Variants in INPP5F observed in about 807,000 individuals in gnomAD.
INPP5F encodes the protein phosphatidylinositide 4-phosphatase SAC2.
In INPP5F, 97 loss-of-function variants were observed where a neutral mutation model predicts 137.2. That is an observed-to-expected ratio of 0.71 (90% CI 0.60 to 0.84). The LOEUF (loss-of-function observed/expected upper bound fraction) is 0.84. INPP5F is among the 40% of genes least tolerant of loss of function. The pLI is 0.00. For missense variants in INPP5F, 1,271 were observed against 1,371.9 expected (o/e 0.93, Z 1.16); for synonymous variants, 504 against 476.9 (o/e 1.06, Z -0.74).
Position 119,774,351 on chromosome 10 carries a change from C to T in INPP5F, c.179-7284C>T, listed in dbSNP as rs186372013. 7.1e-4 allele frequency among the ~76,000 whole-genome samples: 107 copies of T among 151,424 alleles called. 1 individual carries two copies. The highest frequency in any genetic ancestry group is 2.4e-3 in the African/African-American group (99 of 41,276). On this transcript the variant is annotated intron_variant, in intron 2 of 19. Coordinates refer to ENST00000650623, the MANE Select transcript of INPP5F (RefSeq NM_014937.4). ...AATTTCTATATTAATTTGAGAGATA[C>T]CAACAAGTTTGAAATGTTGAACCTG...
chr10:119,797,481 G>A lies in INPP5F; in HGVS notation c.889G>A (p.Gly297Arg). 6.2e-7 allele frequency: 1 copy of A among 1,610,268 alleles called. No homozygotes were observed. Among genetic ancestry groups the A allele is most frequent in the African/African-American group, 1.3e-5 (1 of 74,976 alleles). ...TTCAGGAATGCGCTATAAACGAAGA[G>A]GAGTGGATAAAAATGGAAATGTTGC... The part of the protein sequence containing the change: ...HRAGMRYKRR[G>R]VDKNGNVANY... Residue 297 changes from glycine (G) to arginine (R), a missense_variant, in exon 8 of 20, where the codon GGA (glycine) becomes AGA (arginine). By Grantham distance (125) the Gly-to-Arg change is moderately radical (BLOSUM62 -2). Around this residue, in one of 6 missense-constraint regions of INPP5F, gnomAD observed 593 missense variants for 712.4 expected, o/e 0.83. Coordinates refer to ENST00000650623, the MANE Select transcript of INPP5F (RefSeq NM_014937.4).
chr10:119,827,666 T>A lies in INPP5F; in HGVS notation c.3285T>A (p.Phe1095Leu). 6.2e-7 allele frequency: 1 copy of A among 1,614,148 alleles called. No homozygotes were observed. Among genetic ancestry groups the A allele is most frequent in the South Asian group, 1.1e-5 (1 of 91,088 alleles). The change falls in exon 20 of 20, where the codon TTT becomes TTA. Residue 1095 changes from phenylalanine to leucine, a missense_variant. Phe to Leu is a conservative substitution (Grantham distance 22, BLOSUM62 0). Transcript: ENST00000650623. ...CTGGATTAACCCATGGGATAAACTT[T>A]GCAGTGTCAAAAGTTCAGAAGAGTC... ...TQAGLTHGIN[F>L]AVSKVQKSPP...
intron 15 of INPP5F, chr10:119,816,764 G>C (rs1209367928): frequency 6.6e-6 from 1 of 152,244 alleles, no homozygotes; most frequent in Non-Finnish European, 1.5e-5. Context: ...TCAGCTCCCA[G>C]ACTTGGGGAC....
chr10:119,809,973 T>C (rs1335584989), intron 13 of INPP5F, 127 bp from the exon 14 acceptor site: 1 of 631,620 alleles, frequency 1.6e-6, no homozygotes, highest in Admixed American at 2.7e-5. Flanking sequence ...ATTTGAAAAT[T>C]ATAGAAGTCA....
At chr10:119,759,376 C>CT (rs1488727114) in intron 2 of INPP5F, among the ~76,000 whole-genome samples, 1 of 151,798 alleles carries the variant, frequency 6.6e-6, no homozygotes, top group African/African-American at 2.4e-5. Context: ...GAGTTACTGA[C>CT]TTTTAGAGGT....
At chr10:119,740,867 G>A (rs568720844) in intron 1 of INPP5F, among the ~76,000 whole-genome samples, 78 of 152,264 alleles carry the variant, frequency 5.1e-4, no homozygotes, top group South Asian at 1.5e-3. Flanking sequence ...GAAGCCATAT[G>A]AAGACCCTTA....
At position 119,826,622 on chromosome 10, in the gene INPP5F, A is replaced by T. The variant is rs1328813816; in HGVS notation, c.2250-9A>T. ...GGGGAATTAACTTTTTTTCTCTTCT[A>T]ATTTGTAGGAAGAGCAGTAAACCTC... On this transcript the variant is annotated splice_polypyrimidine_tract_variant and intron_variant, in intron 19 of 19. Transcript: ENST00000650623. 2 of 1,554,262 alleles carry T rather than the reference A, an allele frequency of 1.3e-6. No individual in the cohort carries two copies. The highest frequency in any genetic ancestry group is 2.2e-5 in the Admixed American group (1 of 46,264).
At chr10:119,815,306 TG>T (rs1851225295) in intron 15 of INPP5F, 1 of 152,636 alleles carries the variant, frequency 6.6e-6, no homozygotes, top group South Asian at 2.1e-4. Flanking sequence ...CTTTCTTAGA[TG>T]GTCAGTTGCC....
intron 3 of INPP5F, among the ~76,000 whole-genome samples, chr10:119,785,254 CTCTA>C (rs71019716): frequency 0.035 from 5,063 of 142,826 alleles, 162 homozygotes; most frequent in South Asian, 0.17. Context: ...CATATGGTAA[CTCTA>C]TCTAACCTTT....
chr10:119,827,991 G>A lies in INPP5F; in HGVS notation c.*211G>A. On this transcript the variant is annotated 3_prime_UTR_variant, in exon 20 of 20. Transcript: ENST00000650623. ...ATTCTAGAATGTGTAGACCTGAGTA[G>A]CTTATACACTACAGAGCACTTTGCT... The A allele has an allele frequency of 4.0e-6, 2 of 504,846 alleles. No individual in the cohort carries two copies. Among genetic ancestry groups the A allele is most frequent in the Admixed American group, 3.5e-5 (1 of 28,358 alleles). 31.3% of individuals were successfully genotyped at this position (504,846 alleles called of 1,614,324 possible).
chr10:119,827,875 T>C lies in INPP5F; in HGVS notation c.*95T>C. 1.1e-6 allele frequency: 1 copy of C among 948,560 alleles called. No individual in the cohort carries two copies. The highest frequency in any genetic ancestry group is 1.6e-6 in the Non-Finnish European group (1 of 636,884). 58.8% of individuals were successfully genotyped at this position (948,560 alleles called of 1,614,324 possible). On this transcript the variant is annotated 3_prime_UTR_variant, in exon 20 of 20. Transcript: ENST00000650623. ...TAATTGTACTGTCTGAACCCAGGGA[T>C]CACAAATTCTGTTCATTGGAAAGGG...
At chr10:119,746,884 A>G (rs1203233919) in intron 1 of INPP5F, among the ~76,000 whole-genome samples, 1 of 150,762 alleles carries the variant, frequency 6.6e-6, no homozygotes. Flanking sequence ...TACTTCCCGG[A>G]TTCAAGCGAT....
At chr10:119,796,177 C>T (rs1850374982) in intron 6 of INPP5F, among the ~76,000 whole-genome samples, 1 of 151,990 alleles carries the variant, frequency 6.6e-6, no homozygotes. Flanking sequence ...TCATTTATTA[C>T]TTAGATTTTA....
At chr10:119,812,461 G>C (rs556256735) in intron 15 of INPP5F, among the ~76,000 whole-genome samples, 2 of 150,442 alleles carry the variant, frequency 1.3e-5, no homozygotes, top group South Asian at 2.1e-4. Context: ...TTATCCACTA[G>C]ATTGAATGCT....
intron 2 of INPP5F, among the ~76,000 whole-genome samples, chr10:119,775,570 T>G (rs2134168957): frequency 6.6e-6 from 1 of 152,288 alleles, no homozygotes; most frequent in East Asian, 1.9e-4. Flanking sequence ...CAGCCTCAAA[T>G]AGAATTCTAA....
chr10:119,809,557 G>A (rs1014708314), intron 13 of INPP5F, among the ~76,000 whole-genome samples: 5 of 152,120 alleles, frequency 3.3e-5, no homozygotes, highest in Non-Finnish European at 7.3e-5. Context: ...TGTGAAAAGC[G>A]CAAGGGAAAC....
chr10:119,763,238 G>A (rs571984794), intron 2 of INPP5F, among the ~76,000 whole-genome samples: 28 of 152,310 alleles, frequency 1.8e-4, no homozygotes, highest in Non-Finnish European at 2.9e-4. Context: ...GGCCCACTGC[G>A]GTAGAGGTTC....
intron 2 of INPP5F, among the ~76,000 whole-genome samples, chr10:119,759,547 G>A (rs1747281843): frequency 6.6e-6 from 1 of 151,916 alleles, no homozygotes; most frequent in South Asian, 2.1e-4. Context: ...GTAGAGACAG[G>A]GTTTCATCAT....
At chr10:119,759,742 A>G (rs1848955197) in intron 2 of INPP5F, among the ~76,000 whole-genome samples, 1 of 152,186 alleles carries the variant, frequency 6.6e-6, no homozygotes. Flanking sequence ...CATTCTCTTA[A>G]CAGACTTGAG....
Sources: allele counts gnomAD v4.1 joint callset (sites outside exome capture counted in the v4.1 genomes callset), GRCh38; gene constraint gnomAD v4.1.1; regional missense constraint gnomAD v4.1.1; transcripts MANE v1.5; gene names NCBI Gene and HGNC (gene_info 2026-07-23, HGNC 2026-07-21).